The following NOSTRIN variants were observed in gnomAD, a reference collection of about 807,000 sequenced individuals.
The protein encoded by NOSTRIN is nitric oxide synthase trafficking.
NOSTRIN carries 63 observed loss-of-function variants against 59.0 expected under a neutral mutation model. The observed-to-expected ratio is 1.07, with a 90% CI of 0.87 to 1.32. NOSTRIN has a LOEUF of 1.32. Ranked by LOEUF, NOSTRIN falls within the 40% of genes most tolerant of loss-of-function variation. The probability of loss-of-function intolerance (pLI) is 0.00; values close to 1 mark genes in which losing one functional copy is unlikely to be tolerated. For missense variants in NOSTRIN, 512 were observed against 473.1 expected, an observed-to-expected ratio of 1.08 and a Z score of -0.76; for synonymous variants, 200 against 165.4, an observed-to-expected ratio of 1.21 and a Z score of -1.61.
At chr2:168,827,920 T>C (rs537330204) in intron 3 of NOSTRIN, among the ~76,000 whole-genome samples, 2 of 151,890 alleles carry the variant, frequency 1.3e-5, no homozygotes, top group Admixed American at 1.3e-4. Flanking sequence ...AGATATGAAA[T>C]AGGAAATGAA....
upstream of NOSTRIN, among the ~76,000 whole-genome samples, chr2:168,795,263 A>G (rs1685450220): frequency 6.6e-6 from 1 of 152,266 alleles, no homozygotes; most frequent in African/African-American, 2.4e-5. Flanking sequence ...TAGACATTCT[A>G]GTGTACATTT....
chr2:168,839,494 C>T (rs749133522), intron 7 of NOSTRIN, among the ~76,000 whole-genome samples: 2 of 151,978 alleles, frequency 1.3e-5, no homozygotes, highest in Non-Finnish European at 2.9e-5. Context: ...CACGGAAGGC[C>T]CTCAATGTCT....
chr2:168,816,974 G>A (rs773335250), intron 2 of NOSTRIN, among the ~76,000 whole-genome samples: 3 of 152,166 alleles, frequency 2.0e-5, no homozygotes, highest in Non-Finnish European at 1.5e-5. Flanking sequence ...GGCATAATAT[G>A]TAGCATATTA....
intron 5 of NOSTRIN, 124 bp downstream of exon 5, chr2:168,828,625 A>T (rs1687185740): frequency 2.4e-6 from 1 of 419,514 alleles, no homozygotes; most frequent in African/African-American, 2.1e-5. Flanking sequence ...AATAAAATAA[A>T]TACTTTTATT....
chr2:168,792,766 C>G (rs914183570), intron 2 of NOSTRIN, among the ~76,000 whole-genome samples: 6 of 152,116 alleles, frequency 3.9e-5, no homozygotes, highest in Admixed American at 3.9e-4. Flanking sequence ...AGCCAGCATA[C>G]CTGGCCATAA....
At chr2:168,816,979 A>G (rs368214644) in intron 2 of NOSTRIN, among the ~76,000 whole-genome samples, 1 of 152,228 alleles carries the variant, frequency 6.6e-6, no homozygotes, top group Non-Finnish European at 1.5e-5. Context: ...AATATGTAGC[A>G]TATTATTTTG....
intron 1 of NOSTRIN, among the ~76,000 whole-genome samples, chr2:168,787,682 A>G (rs2105491981): frequency 6.6e-6 from 1 of 152,320 alleles, no homozygotes; most frequent in South Asian, 2.1e-4. Flanking sequence ...ATATGCATTT[A>G]CAGAAAGAGG....
chr2:168,861,875 C>T, intron 14 of NOSTRIN, 85 bp from the exon 15 acceptor site: 1 of 1,215,770 alleles, frequency 8.2e-7, no homozygotes, highest in Non-Finnish European at 1.2e-6. Flanking sequence ...AACTCTGCAT[C>T]ACACTGTTAA....
chr2:168,842,011 C>T (rs1453166141), intron 7 of NOSTRIN, among the ~76,000 whole-genome samples: 1 of 152,166 alleles, frequency 6.6e-6, no homozygotes, highest in Non-Finnish European at 1.5e-5. Flanking sequence ...GGGAATGGGG[C>T]AGGATCCTCT....
At chr2:168,799,078 C>CACAATCAACACAAT (rs1177160512), upstream of NOSTRIN, among the ~76,000 whole-genome samples, 1 of 151,980 alleles carries the variant, frequency 6.6e-6, no homozygotes, top group Non-Finnish European at 1.5e-5. Context: ...AGCCAATCAA[C>CACAATCAACACAAT]AGCTTGTGTT....
At chr2:168,794,294 A>G (rs962760071), upstream of NOSTRIN, among the ~76,000 whole-genome samples, 2 of 151,852 alleles carry the variant, frequency 1.3e-5, no homozygotes, top group Admixed American at 6.6e-5. Context: ...ATTTCAGAAG[A>G]GTTGTGAGAG....
At chr2:168,842,489 A>G (rs1574312123) in intron 7 of NOSTRIN, among the ~76,000 whole-genome samples, 4 of 152,208 alleles carry the variant, frequency 2.6e-5, no homozygotes, top group Admixed American at 2.0e-4. Context: ...TTCTGGGTTT[A>G]TATAGTAAAA....
intron 7 of NOSTRIN, among the ~76,000 whole-genome samples, chr2:168,839,813 G>A (rs2105700910): frequency 6.8e-6 from 1 of 147,848 alleles, no homozygotes; most frequent in East Asian, 2.0e-4. Flanking sequence ...TTGAACCTGA[G>A]AGGCGGAGGT....
At chr2:168,817,604 C>T (rs144456591) in intron 2 of NOSTRIN, among the ~76,000 whole-genome samples, 9 of 152,280 alleles carry the variant, frequency 5.9e-5, no homozygotes, top group African/African-American at 2.2e-4. Context: ...CTCCCCTACC[C>T]CACACACAAA....
intron 7 of NOSTRIN, among the ~76,000 whole-genome samples, 174 bp downstream of exon 7, chr2:168,834,499 G>GCACACA (rs1352968254): frequency 1.4e-4 from 4 of 28,568 alleles, no homozygotes; most frequent in African/African-American, 3.4e-4. Context: ...GTGCGCGCGC[G>GCACACA]CGCGCGCGCA....
intron 7 of NOSTRIN, among the ~76,000 whole-genome samples, chr2:168,838,486 C>T (rs113757953): frequency 0.047 from 7,090 of 152,272 alleles, 515 homozygotes; most frequent in African/African-American, 0.16. Flanking sequence ...GTGATCCGCC[C>T]GCCTTGGCCT....
intron 3 of NOSTRIN, among the ~76,000 whole-genome samples, chr2:168,826,068 CT>C (rs1273160096): frequency 1.3e-5 from 2 of 152,198 alleles, no homozygotes; most frequent in African/African-American, 4.8e-5. Context: ...CTCTCAAGAT[CT>C]CTTTAAAGTA....
In NOSTRIN at chr2:168,860,413, G is replaced by A. The variant is rs548233389; in HGVS notation, c.1180-382G>A. Among the ~76,000 whole-genome samples the A allele has an allele frequency of 5.9e-5, 9 of 152,330 alleles. No homozygotes were observed. In the South Asian group the frequency reaches 1.7e-3, roughly 28 times the overall value. ...AGTCCAGGCGCAGTGGCTCATGCCT[G>A]TAATCCCAGAACTTTGGGAGGCCAA... On this transcript the variant is annotated intron_variant, in intron 13 of 15. Transcript: ENST00000317647.
At chr2:168,848,608 A>G (rs1389784764) in intron 8 of NOSTRIN, among the ~76,000 whole-genome samples, 1 of 152,250 alleles carries the variant, frequency 6.6e-6, no homozygotes, top group African/African-American at 2.4e-5. Flanking sequence ...TATTCAGCCA[A>G]AAAGGAAGGG....
Sources: gnomAD v4.1 joint callset for allele counts (sites outside exome capture counted in the v4.1 genomes callset) on GRCh38, gnomAD v4.1.1 for gene constraint, MANE v1.5 for transcripts, NCBI Gene and HGNC (gene_info 2026-07-23, HGNC 2026-07-21) for gene names.